The following MTR variants were observed in gnomAD, a reference collection of about 807,000 sequenced individuals.
The protein encoded by MTR is methionine synthase.
In MTR, 84 loss-of-function variants were observed where a neutral mutation model predicts 154.8. That is an observed-to-expected ratio of 0.54 (90% CI 0.45 to 0.65). MTR has a LOEUF of 0.65. Among genes scored for constraint, MTR ranks in the 30% least tolerant of loss-of-function variants. The probability of loss-of-function intolerance (pLI) is 0.00; values close to 1 mark genes in which losing one functional copy is unlikely to be tolerated. For missense variants in MTR, 1,275 were observed against 1,570.2 expected (o/e 0.81, Z 3.18); for synonymous variants, 554 against 553.9 (o/e 1.00, Z 0.00).
chr1:236,860,087 C>G lies in MTR; in HGVS notation c.2043+165C>G, dbSNP rs568708142. Among the ~76,000 whole-genome samples, 9 of 66,636 alleles carry G rather than the reference C, an allele frequency of 1.4e-4. No individual in the cohort carries two copies. In the South Asian group the frequency reaches 3.6e-3, roughly 26 times the overall value. 43.7% of individuals were successfully genotyped at this position (66,636 alleles called of 152,430 possible). A position where few individuals can be genotyped will look rare whatever the true frequency, so the allele number is the denominator to read the frequency against. On this transcript the variant is annotated intron_variant, in intron 19 of 32. Transcript: ENST00000366577. ...CCCAGCTGCCCCCCCCCCCCCCCCC[C>G]CCCACCATAGCACATTTGACAGTGT...
chr1:236,888,823 ACATGTTCTT>A (rs1390702908), intron 27 of MTR, among the ~76,000 whole-genome samples: 1 of 152,150 alleles, frequency 6.6e-6, no homozygotes, highest in Non-Finnish European at 1.5e-5. Flanking sequence ...GTCTTTCTGG[ACATGTTCTT>A]CATGTTCTTT....
At chr1:236,873,692 G>A (rs1336617135) in intron 22 of MTR, 81 bp from the exon 23 acceptor site, 6 of 1,163,584 alleles carry the variant, frequency 5.2e-6, no homozygotes, top group Non-Finnish European at 7.8e-6. Context: ...AGTATTTAAT[G>A]GTTGAAATAA....
intron 23 of MTR, 78 bp from the exon 24 acceptor site, chr1:236,874,648 A>C: frequency 1.6e-6 from 2 of 1,234,294 alleles, no homozygotes; most frequent in South Asian, 1.4e-5. Context: ...TTTTAAATGG[A>C]TCTTCATCCT....
In MTR at chr1:236,896,996, C is replaced by A. The variant is rs41530146; in HGVS notation, c.3599-10C>A. ...GTCCATAAGCATTTTCCCTGTGTTGCTCCCTCTAGGCATTAGGTTAACAGA... is the reference window on the plus strand; with the variant it reads ...GTCCATAAGCATTTTCCCTGTGTTGATCCCTCTAGGCATTAGGTTAACAGA... On this transcript the variant is annotated splice_polypyrimidine_tract_variant and intron_variant, in intron 31 of 32. Coordinates refer to ENST00000366577, the MANE Select transcript of MTR (RefSeq NM_000254.3). 3.6e-3 allele frequency: 5,703 copies of A among 1,601,734 alleles called. 93 individuals are homozygous for A. In the Middle Eastern group the frequency reaches 0.036, roughly 10 times the overall value.
chr1:236,815,051 A>G (rs546646032), intron 6 of MTR, among the ~76,000 whole-genome samples: 40 of 152,368 alleles, frequency 2.6e-4, no homozygotes, highest in Admixed American at 6.5e-4. Context: ...ACAGAATGAC[A>G]TAGGATTTGT....
intron 16 of MTR, among the ~76,000 whole-genome samples, chr1:236,851,129 C>G (rs1663875156): frequency 1.3e-5 from 2 of 152,114 alleles, no homozygotes; most frequent in Admixed American, 6.5e-5. Context: ...TTTGTGACCC[C>G]AAAATCAATA....
At chr1:236,847,949 A>G (rs1663680380) in intron 15 of MTR, among the ~76,000 whole-genome samples, 1 of 152,222 alleles carries the variant, frequency 6.6e-6, no homozygotes, top group Admixed American at 6.5e-5. Flanking sequence ...AGTAAGACAG[A>G]AGCTTGGTGA....
rs59525673 is a variant in MTR at position 236,860,069 on chromosome 1, G to GCCCCCCCCCCCC, written c.2043+157_2043+168dup. ...AGGTCCCTCTTGCTGTCCCCCAGCT[G>GCCCCCCCCCCCC]CCCCCCCCCCCCCCCCCCCCCACCA... On this transcript the variant is annotated intron_variant, in intron 19 of 32. Coordinates refer to ENST00000366577, the MANE Select transcript of MTR (RefSeq NM_000254.3). 6 of 270,546 alleles carry GCCCCCCCCCCCC rather than the reference G, an allele frequency of 2.2e-5. 1 individual carries two copies. The highest frequency in any genetic ancestry group is 1.4e-4 in the African/African-American group (3 of 22,186). 16.8% of individuals were successfully genotyped at this position (270,546 alleles called of 1,614,324 possible).
chr1:236,797,018 TAA>T (rs58684060), intron 1 of MTR, among the ~76,000 whole-genome samples: 12 of 147,060 alleles, frequency 8.2e-5, no homozygotes, highest in African/African-American at 3.0e-4. Context: ...GTGAGTGATT[TAA>T]AAAAAAAAAA....
At chr1:236,862,459 G>T in intron 21 of MTR, 116 bp downstream of exon 21, 1 of 793,378 alleles carries the variant, frequency 1.3e-6, no homozygotes, top group South Asian at 1.4e-5. Flanking sequence ...GGATAAAATA[G>T]AGAAATGATC....
At chr1:236,822,322 T>TG (rs1313595729) in intron 8 of MTR, among the ~76,000 whole-genome samples, 1 of 150,066 alleles carries the variant, frequency 6.7e-6, no homozygotes, top group Non-Finnish European at 1.5e-5. Context: ...GTTTTTTTTT[T>TG]TTTTTGAGAC....
At chr1:236,852,865 C>G (rs762069138) in intron 17 of MTR, 83 bp from the exon 18 acceptor site, 3 of 1,509,746 alleles carry the variant, frequency 2.0e-6, no homozygotes, top group Non-Finnish European at 2.8e-6. Context: ...ATATTTCTCT[C>G]TGGCCCTTTA....
intron 22 of MTR, among the ~76,000 whole-genome samples, chr1:236,868,135 G>A (rs938667129): frequency 3.9e-5 from 6 of 152,090 alleles, no homozygotes; most frequent in Admixed American, 2.0e-4. Flanking sequence ...CTTCACTGTC[G>A]TCTTATTTTG....
intron 12 of MTR, among the ~76,000 whole-genome samples, chr1:236,830,733 C>T (rs916865927): frequency 9.9e-5 from 15 of 152,118 alleles, no homozygotes; most frequent in African/African-American, 2.9e-4. Flanking sequence ...AGACTAGGAT[C>T]GGGCGTACCC....
intron 22 of MTR, among the ~76,000 whole-genome samples, chr1:236,871,408 G>C (rs1665124586): frequency 6.6e-6 from 1 of 152,010 alleles, no homozygotes. Context: ...ATCCACATAA[G>C]ATGTTCCTGA....
chr1:236,798,454 A>G (rs529483908), intron 1 of MTR, among the ~76,000 whole-genome samples: 1 of 152,306 alleles, frequency 6.6e-6, no homozygotes, highest in East Asian at 1.9e-4. Context: ...GTGAATCAGA[A>G]TATTGTTAGC....
At chr1:236,844,465 T>C (rs112028697) in intron 15 of MTR, among the ~76,000 whole-genome samples, 518 of 20,666 alleles carry the variant, frequency 0.025, 8 homozygotes, top group African/African-American at 0.1. Flanking sequence ...TGTGTGTGTG[T>C]GTGTGTGTGT....
chr1:236,886,459 C>T, intron 27 of MTR, 92 bp downstream of exon 27: 1 of 1,206,688 alleles, frequency 8.3e-7, no homozygotes. Flanking sequence ...CAAAATCAAA[C>T]CAGCAGCTAA....
chr1:236,807,673 C>T (rs553057014), intron 3 of MTR, among the ~76,000 whole-genome samples: 2 of 152,174 alleles, frequency 1.3e-5, no homozygotes, highest in Admixed American at 1.3e-4. Context: ...ATGGTAGATG[C>T]TAATGTCCCC....
Sources: allele counts gnomAD v4.1 joint callset (sites outside exome capture counted in the v4.1 genomes callset), GRCh38; gene constraint gnomAD v4.1.1; transcripts MANE v1.5; gene names NCBI Gene and HGNC (gene_info 2026-07-23, HGNC 2026-07-21).